The following ZEB2 variants were observed in gnomAD, a reference collection of about 807,000 sequenced individuals.
The protein encoded by ZEB2 is zinc finger E-box-binding homeobox 2.
Under a neutral mutation model 99.9 loss-of-function variants are expected in ZEB2, and 6 were observed. The ratio of observed to expected loss-of-function variants is 0.06; its 90% CI spans 0.03 to 0.12. The LOEUF is 0.12. Among genes scored for constraint, ZEB2 ranks in the 10% least tolerant of loss-of-function variants. The pLI is 1.00. For missense variants in ZEB2, 969 were observed against 1,502.8 expected, an observed-to-expected ratio of 0.64 and a Z score of 5.87; for synonymous variants, 517 against 542.5, an observed-to-expected ratio of 0.95 and a Z score of 0.65.
At chr2:144,513,998 T>A in intron 2 of ZEB2, 2 of 955,930 alleles carry the variant, frequency 2.1e-6, no homozygotes, top group Non-Finnish European at 3.0e-6. Context: ...CCACTCCCTC[T>A]TTCCTCCTGC....
At chr2:144,483,427 T>A (rs1426683956) in intron 2 of ZEB2, among the ~76,000 whole-genome samples, 1 of 152,202 alleles carries the variant, frequency 6.6e-6, no homozygotes, top group African/African-American at 2.4e-5. Flanking sequence ...TAACCATGAG[T>A]CGCAAATGTT....
intron 2 of ZEB2, among the ~76,000 whole-genome samples, chr2:144,499,236 C>G (rs2149924356): frequency 6.6e-6 from 1 of 152,308 alleles, no homozygotes; most frequent in Non-Finnish European, 1.5e-5. Context: ...GCCAGATACT[C>G]AAACCCCATA....
At chr2:144,517,936 C>T in intron 1 of ZEB2, 2 of 355,020 alleles carry the variant, frequency 5.6e-6, no homozygotes, top group Non-Finnish European at 5.2e-6. Flanking sequence ...AGGAAGCCCA[C>T]TCGCCCAGCG....
At chr2:144,511,429 C>T in intron 2 of ZEB2, 1 of 1,241,510 alleles carries the variant, frequency 8.1e-7, no homozygotes, top group South Asian at 1.4e-5. Flanking sequence ...CTACTAGTTA[C>T]ACTTTTCCTG....
chr2:144,503,329 T>C (rs1215660260), intron 2 of ZEB2, among the ~76,000 whole-genome samples: 4 of 152,214 alleles, frequency 2.6e-5, no homozygotes, highest in Non-Finnish European at 5.9e-5. Flanking sequence ...CAAGCAAAAC[T>C]GTGACAAGGC....
chr2:144,434,483 A>G (rs149489761), intron 2 of ZEB2, among the ~76,000 whole-genome samples: 23 of 152,302 alleles, frequency 1.5e-4, no homozygotes, highest in Non-Finnish European at 2.6e-4. Context: ...CCGTACAGCT[A>G]GTTGGTAGCA....
intron 2 of ZEB2, among the ~76,000 whole-genome samples, chr2:144,481,732 G>A (rs1307880213): frequency 6.6e-6 from 1 of 152,208 alleles, no homozygotes; most frequent in African/African-American, 2.4e-5. Context: ...TCTAGAGTAT[G>A]TTTTGCCATA....
intron 2 of ZEB2, among the ~76,000 whole-genome samples, chr2:144,460,496 T>C (rs1704177705): frequency 6.6e-6 from 1 of 152,140 alleles, no homozygotes; most frequent in African/African-American, 2.4e-5. Flanking sequence ...GGATTTGCCC[T>C]ACAACTTCTC....
At position 144,399,544 on chromosome 2, in the gene ZEB2, C is replaced by T; in HGVS notation, c.1643G>A (p.Arg548Lys). 6.2e-7 allele frequency: 1 copy of T among 1,614,124 alleles called. No homozygotes were observed. The highest frequency in any genetic ancestry group is 1.1e-5 in the South Asian group (1 of 91,084). The change falls in exon 8 of 10, where the codon AGG (arginine) becomes AAG (lysine). Residue 548 changes from arginine to lysine, a missense_variant. Around this residue, in one of 8 missense-constraint regions of ZEB2, gnomAD observed 227 missense variants for 278.2 expected, o/e 0.82. Transcript: ENST00000627532. The surrounding 1 kb of genome is among the most constrained non-coding windows in gnomAD (Gnocchi z 5.6). ...ACLQSLTTDS[R>K]RQISNIKKEK... ...TTTCTTTATATTACTGATCTGTCTC[C>T]TTGAGTCAGTAGTCAAGCTCTGGAG...
chr2:144,500,633 G>C (rs1704853864), intron 2 of ZEB2, among the ~76,000 whole-genome samples: 1 of 152,076 alleles, frequency 6.6e-6, no homozygotes, highest in African/African-American at 2.4e-5. Context: ...TATCAGTTGG[G>C]GCTGATGAAA....
chr2:144,474,255 TCTC>T (rs2149910728), intron 2 of ZEB2, among the ~76,000 whole-genome samples: 1 of 152,318 alleles, frequency 6.6e-6, no homozygotes, highest in African/African-American at 2.4e-5. Flanking sequence ...ACTGTCCTCT[TCTC>T]CTGGCCTGGA....
chr2:144,494,554 G>C (rs1704733573), intron 2 of ZEB2: 1 of 152,208 alleles, frequency 6.6e-6, no homozygotes, highest in Non-Finnish European at 1.5e-5. Flanking sequence ...GGGCCTTTAA[G>C]AAAGGTAGAC....
At chr2:144,452,652 G>A (rs1560630213) in intron 2 of ZEB2, among the ~76,000 whole-genome samples, 1 of 152,090 alleles carries the variant, frequency 6.6e-6, no homozygotes, top group African/African-American at 2.4e-5. Context: ...GTAAATTGGA[G>A]TCCGACAAGC....
chr2:144,484,928 T>C (rs933269940), intron 2 of ZEB2, among the ~76,000 whole-genome samples: 14 of 152,070 alleles, frequency 9.2e-5, no homozygotes, highest in African/African-American at 3.1e-4. Flanking sequence ...TCCATAAGTC[T>C]AAAAACTCAC....
intron 2 of ZEB2, among the ~76,000 whole-genome samples, chr2:144,441,640 C>G (rs994174518): frequency 1.3e-5 from 2 of 151,034 alleles, no homozygotes; most frequent in African/African-American, 4.9e-5. Context: ...AACAAATGTA[C>G]TTACAATTTT....
intron 2 of ZEB2, among the ~76,000 whole-genome samples, chr2:144,502,095 T>C (rs1368857912): frequency 1.3e-5 from 2 of 152,154 alleles, no homozygotes; most frequent in Non-Finnish European, 1.5e-5. Context: ...CAGGTAGAAA[T>C]GTGGATGTGT....
At chr2:144,472,264 C>T (rs979501344) in intron 2 of ZEB2, among the ~76,000 whole-genome samples, 14 of 151,998 alleles carry the variant, frequency 9.2e-5, no homozygotes, top group Admixed American at 8.5e-4. Context: ...TATAATCATC[C>T]TCAAAAAGCA....
chr2:144,427,593 T>C (rs1261509852), intron 3 of ZEB2: 2 of 152,170 alleles, frequency 1.3e-5, no homozygotes, highest in Non-Finnish European at 2.9e-5. Context: ...ATGTGTTATC[T>C]CAGAGTCAGG....
intron 2 of ZEB2, among the ~76,000 whole-genome samples, chr2:144,457,339 C>G (rs1170776931): frequency 1.3e-5 from 2 of 152,136 alleles, no homozygotes; most frequent in Non-Finnish European, 2.9e-5. Context: ...CCCACATCAC[C>G]TCGTGTTAGA....
Sources: gnomAD v4.1 joint callset for allele counts (sites outside exome capture counted in the v4.1 genomes callset) on GRCh38, gnomAD v4.1.1 for gene constraint, gnomAD v4.1.1 regional missense constraint, Gnocchi (gnomAD v3.1) non-coding constraint, MANE v1.5 for transcripts, NCBI Gene and HGNC (gene_info 2026-07-23, HGNC 2026-07-21) for gene names.